The following XKR6 variants were observed in gnomAD, a reference collection of about 807,000 sequenced individuals.
XKR6 encodes XK related 6, also known as XK-related protein 6.
A neutral mutation model predicts 56.7 loss-of-function variants in XKR6; 22 were observed. That is an observed-to-expected ratio of 0.39 (90% confidence interval 0.28 to 0.55). The LOEUF is 0.55. XKR6 is among the 20% of genes least tolerant of loss of function. The pLI, the probability that XKR6 is intolerant of heterozygous loss-of-function variation, is 0.66. For synonymous variants in XKR6, 524 were observed against 387.8 expected (o/e 1.35, Z -4.13); for missense variants, 852 against 889.0 (o/e 0.96, Z 0.53).
At chr8:10,948,566 G>C (rs567307753) in intron 1 of XKR6, among the ~76,000 whole-genome samples, 19 of 152,132 alleles carry the variant, frequency 1.2e-4, no homozygotes, top group Non-Finnish European at 2.8e-4. Flanking sequence ...CGGCTGCCCA[G>C]AGATCTTTCC....
At chr8:10,993,709 C>T (rs1218329064) in intron 1 of XKR6, among the ~76,000 whole-genome samples, 1 of 152,200 alleles carries the variant, frequency 6.6e-6, no homozygotes, top group Non-Finnish European at 1.5e-5. Context: ...CAGCAACATG[C>T]CCCCAGCCCA....
chr8:11,160,733 C>T (rs982837277), intron 1 of XKR6, among the ~76,000 whole-genome samples: 3 of 151,880 alleles, frequency 2.0e-5, no homozygotes, highest in African/African-American at 7.3e-5. Flanking sequence ...CAGGCTGAAA[C>T]CCCGTCTCTA....
At chr8:11,120,797 C>A (rs1563151620) in intron 1 of XKR6, among the ~76,000 whole-genome samples, 2 of 152,182 alleles carry the variant, frequency 1.3e-5, no homozygotes, top group African/African-American at 2.4e-5. Flanking sequence ...TACTACGAGG[C>A]TACAGTCACC....
chr8:10,971,426 G>GTAAT (rs1293593677), intron 1 of XKR6, among the ~76,000 whole-genome samples: 1 of 151,884 alleles, frequency 6.6e-6, no homozygotes, highest in Non-Finnish European at 1.5e-5. Context: ...ATCTCGAAAA[G>GTAAT]TAATTAATTA....
intron 1 of XKR6, among the ~76,000 whole-genome samples, chr8:11,071,296 A>G (rs1159570713): frequency 6.6e-6 from 1 of 152,080 alleles, no homozygotes; most frequent in Non-Finnish European, 1.5e-5. Flanking sequence ...CTGGAGTGCA[A>G]TGGCATGATC....
chr8:11,156,698 T>G (rs979201441), intron 1 of XKR6, among the ~76,000 whole-genome samples: 4 of 152,132 alleles, frequency 2.6e-5, no homozygotes, highest in African/African-American at 9.7e-5. Flanking sequence ...TGCACAGTGG[T>G]AAATCAAAAT....
At chr8:11,027,427 A>C (rs1397493337) in intron 1 of XKR6, among the ~76,000 whole-genome samples, 1 of 152,214 alleles carries the variant, frequency 6.6e-6, no homozygotes, top group Non-Finnish European at 1.5e-5. Context: ...AATGTGATTC[A>C]CATTTATGGT....
chr8:10,915,736 C>A (rs1475531129), intron 2 of XKR6, among the ~76,000 whole-genome samples: 1 of 152,184 alleles, frequency 6.6e-6, no homozygotes, highest in East Asian at 1.9e-4. Flanking sequence ...AGACGCCAAG[C>A]AGATTCCAAA....
intron 1 of XKR6, among the ~76,000 whole-genome samples, chr8:11,182,962 A>G (rs1188147701): frequency 9.2e-5 from 14 of 152,130 alleles, no homozygotes; most frequent in Admixed American, 9.2e-4. Context: ...GTGGAATCAC[A>G]TAGTGTTTGT....
At chr8:11,142,433 T>C (rs763631789) in intron 1 of XKR6, among the ~76,000 whole-genome samples, 1 of 152,168 alleles carries the variant, frequency 6.6e-6, no homozygotes, top group African/African-American at 2.4e-5. Flanking sequence ...CCCCTCCAAA[T>C]CTCATGTTGA....
rs1290615148 is a variant in XKR6, at chr8:11,201,365, G to T, written c.-26C>A. On this transcript the variant is annotated 5_prime_UTR_variant, in exon 1 of 3. Transcript: ENST00000416569. ...CTTGACTCTCTTCCCAGCTCCGGAG[G>T]TTGGGGGGGAGGGACGGCGGGGGGG... 29 of 1,458,710 alleles carry T rather than the reference G, an allele frequency of 2.0e-5. No homozygotes were observed. Among genetic ancestry groups the T allele is most frequent in the Non-Finnish European group, 2.3e-5 (26 of 1,111,266 alleles). 90.4% of individuals were successfully genotyped at this position (1,458,710 alleles called of 1,614,324 possible). A position where few individuals can be genotyped will look rare whatever the true frequency, so the allele number is the denominator to read the frequency against.
chr8:10,960,292 G>A (rs1241570828), intron 1 of XKR6, among the ~76,000 whole-genome samples: 1 of 152,134 alleles, frequency 6.6e-6, no homozygotes, highest in African/African-American at 2.4e-5. Flanking sequence ...GGTGGGTCAG[G>A]AACAGCAGAG....
chr8:11,180,122 A>T (rs1219113987), intron 1 of XKR6, among the ~76,000 whole-genome samples: 1 of 152,222 alleles, frequency 6.6e-6, no homozygotes, highest in Non-Finnish European at 1.5e-5. Context: ...CATGGGCGAC[A>T]GACTGAGACC....
chr8:11,129,066 C>A, intron 1 of XKR6: 1 of 425,198 alleles, frequency 2.4e-6, no homozygotes, highest in Non-Finnish European at 4.7e-6. Context: ...TTCAATGACT[C>A]AGATGCATCC....
At chr8:10,932,425 CTTTTTTT>C (rs71203361) in intron 1 of XKR6, among the ~76,000 whole-genome samples, 1 of 145,586 alleles carries the variant, frequency 6.9e-6, no homozygotes, top group Non-Finnish European at 1.5e-5. Context: ...TTTTCTTTTT[CTTTTTTT>C]TTTTTATTAT....
chr8:11,032,897 G>A lies in XKR6; in HGVS notation c.765-108067C>T, dbSNP rs534649237. On this transcript the variant is annotated intron_variant, in intron 1 of 2. Transcript: ENST00000416569. ...CAGTAGTGGCTTTGCTGGTGGTGGA[G>A]ATGGTGATAGTGATTGTGACCATGA... Among the ~76,000 whole-genome samples the A allele has an allele frequency of 4.6e-5, 7 of 152,308 alleles. No homozygotes were observed. In the South Asian group the frequency reaches 1.2e-3, roughly 27 times the overall value.
At chr8:11,181,075 G>A (rs1371470900) in intron 1 of XKR6, among the ~76,000 whole-genome samples, 1 of 152,148 alleles carries the variant, frequency 6.6e-6, no homozygotes, top group African/African-American at 2.4e-5. Context: ...ACCAAAAAAG[G>A]TCTTTGACCT....
At chr8:11,124,374 G>A (rs959121964) in intron 1 of XKR6, 29 of 201,910 alleles carry the variant, frequency 1.4e-4, no homozygotes, top group African/African-American at 6.5e-4. Context: ...TGTGAACACA[G>A]TACACACATC....
chr8:11,174,726 C>T (rs1226084173), intron 1 of XKR6, among the ~76,000 whole-genome samples: 1 of 152,030 alleles, frequency 6.6e-6, no homozygotes, highest in South Asian at 2.1e-4. Flanking sequence ...AGATGCCCTG[C>T]CCTTCGCACT....
Sources: allele counts gnomAD v4.1 joint callset (sites outside exome capture counted in the v4.1 genomes callset), GRCh38; gene constraint gnomAD v4.1.1; transcripts MANE v1.5; gene names NCBI Gene and HGNC (gene_info 2026-07-23, HGNC 2026-07-21).